The following GGCX variants were observed in gnomAD, a reference collection of about 807,000 sequenced individuals.
The protein encoded by GGCX is vitamin K-dependent gamma-carboxylase.
A neutral mutation model predicts 88.5 loss-of-function variants in GGCX; 63 were observed. The observed-to-expected ratio is 0.71, with a 90% confidence interval of 0.58 to 0.88. The LOEUF is 0.88. GGCX is among the 40% of genes least tolerant of loss of function. The pLI, the probability that GGCX is intolerant of heterozygous loss-of-function variation, is 0.00. For missense variants in GGCX, 805 were observed against 932.9 expected (o/e 0.86, Z 1.79); for synonymous variants, 368 against 365.8 (o/e 1.01, Z -0.07).
At chr2:85,553,102 A>G (rs1251176222) in intron 8 of GGCX, 32 bp from the exon 9 acceptor site, 3 of 1,610,160 alleles carry the variant, frequency 1.9e-6, no homozygotes, top group African/African-American at 2.7e-5. Context: ...GAATCAGCTC[A>G]ATGCTTCTCA....
chr2:85,561,270 C>A, intron 1 of GGCX, 116 bp downstream of exon 1: 1 of 670,026 alleles, frequency 1.5e-6, no homozygotes, highest in Non-Finnish European at 2.5e-6. Flanking sequence ...GCCCCCTTCC[C>A]CACAGAGGAC....
Position 85,552,861 on chromosome 2 carries a change from T to C in GGCX, c.1287+78A>G, listed in dbSNP as rs978635769. 3.4e-6 allele frequency: 5 copies of C among 1,489,946 alleles called. No individual in the cohort carries two copies. The African/African-American group carries it at 5.5e-5, about 16-fold the overall frequency. 92.3% of individuals were successfully genotyped at this position (1,489,946 alleles called of 1,614,324 possible). On this transcript the variant is annotated intron_variant, in intron 9 of 14. Coordinates refer to ENST00000233838, the MANE Select transcript of GGCX (RefSeq NM_000821.7). ...GACTCAAATTTGTTTTGCTTTATGGTGTGTGTAAGACAAAACCAGACCCCA... is the reference window on the plus strand; with the variant it reads ...GACTCAAATTTGTTTTGCTTTATGGCGTGTGTAAGACAAAACCAGACCCCA...
intron 11 of GGCX, 41 bp downstream of exon 11, chr2:85,551,771 G>A (rs1169274652): frequency 1.9e-6 from 3 of 1,598,610 alleles, no homozygotes; most frequent in Non-Finnish European, 2.6e-6. Flanking sequence ...AAGGAAGCCA[G>A]AAGGAAAGAC....
intron 1 of GGCX, 89 bp downstream of exon 1, chr2:85,561,297 C>A (rs1573334514): frequency 2.7e-6 from 2 of 753,514 alleles, no homozygotes; most frequent in Non-Finnish European, 4.4e-6. Context: ...CCCGCCTCAC[C>A]GGGAGACACT....
chr2:85,556,507 G>T (rs1692207807), intron 4 of GGCX, among the ~76,000 whole-genome samples: 1 of 152,122 alleles, frequency 6.6e-6, no homozygotes. Context: ...AGTTGAGTTT[G>T]TTCTAATGGA....
At chr2:85,555,254 T>A (rs1285592840) in intron 6 of GGCX, 1 of 437,558 alleles carries the variant, frequency 2.3e-6, no homozygotes, top group Non-Finnish European at 4.3e-6. Flanking sequence ...CTTTCCTTTT[T>A]AAATTTCTTT....
At chr2:85,557,821 C>A (rs1457532515) in intron 4 of GGCX, among the ~76,000 whole-genome samples, 2 of 151,868 alleles carry the variant, frequency 1.3e-5, no homozygotes, top group African/African-American at 4.8e-5. Flanking sequence ...GTTTTTTTCC[C>A]CATACTCATG....
chr2:85,547,259 CAG>C lies in GGCX; in HGVS notation c.*2673_*2674del, dbSNP rs1336026650. On this transcript the variant is annotated 3_prime_UTR_variant, in exon 15 of 15. Coordinates refer to ENST00000233838, the MANE Select transcript of GGCX (RefSeq NM_000821.7). ...AGTTTCAAAGGGGATGGATACCCAT[CAG>C]GGGCAAAGATCCAAATCCTGAGGGT... The C allele has an allele frequency of 6.6e-6, 1 of 152,184 alleles. No homozygotes were observed. Among genetic ancestry groups the C allele is most frequent in the Non-Finnish European group, 1.5e-5 (1 of 68,028 alleles). The allele number at this position is 152,184 out of a possible 1,614,324, so 9.4% of individuals were successfully genotyped here. A position where few individuals can be genotyped will look rare whatever the true frequency, so the allele number is the denominator to read the frequency against.
chr2:85,547,739 T>C lies in GGCX; in HGVS notation c.*2195A>G, dbSNP rs1691745689. The stretch of plus-strand genomic sequence containing the variant: ...CTGTGCCACAGCCATTGCTTGCCCA[T>C]ATAATACCTTGAATGAATTAGAGAT... On this transcript the variant is annotated 3_prime_UTR_variant, in exon 15 of 15. Transcript: ENST00000233838. 6.6e-6 allele frequency: 1 copy of C among 152,200 alleles called. No homozygotes were observed. Among genetic ancestry groups the C allele is most frequent in the Non-Finnish European group, 1.5e-5 (1 of 68,044 alleles). The allele number at this position is 152,200 out of a possible 1,614,324, so 9.4% of individuals were successfully genotyped here. A position where few individuals can be genotyped will look rare whatever the true frequency, so the allele number is the denominator to read the frequency against.
chr2:85,553,098 G>A, intron 8 of GGCX, 28 bp from the exon 9 acceptor site: 1 of 1,614,078 alleles, frequency 6.2e-7, no homozygotes, highest in Non-Finnish European at 8.5e-7. Context: ...AGGGGAATCA[G>A]CTCAATGCTT....
In GGCX at chr2:85,552,585, A is replaced by G. The variant is rs554838789; in HGVS notation, c.1288-18T>C. 18 of 1,610,652 alleles carry G rather than the reference A, an allele frequency of 1.1e-5. No homozygotes were observed. The South Asian group carries it at 1.6e-4, about 15-fold the overall frequency. On this transcript the variant is annotated intron_variant, in intron 9 of 14. Coordinates refer to ENST00000233838, the MANE Select transcript of GGCX (RefSeq NM_000821.7). Reference sequence around the variant, plus strand: ...GTAAATACCTGCCCCAAACCCCCATATTAGTCCCACCTCATCATTATCAAC... The same window carrying G: ...GTAAATACCTGCCCCAAACCCCCATGTTAGTCCCACCTCATCATTATCAAC...
chr2:85,557,868 A>G (rs1692270359), intron 4 of GGCX, among the ~76,000 whole-genome samples: 1 of 152,208 alleles, frequency 6.6e-6, no homozygotes, highest in Non-Finnish European at 1.5e-5. Flanking sequence ...CACTCAACAT[A>G]TAAAGAATCC....
chr2:85,554,700 T>C, intron 6 of GGCX: 3 of 282,436 alleles, frequency 1.1e-5, no homozygotes, highest in Non-Finnish European at 2.1e-5. Flanking sequence ...ACTCCTGGGC[T>C]CAAGCAATCC....
chr2:85,550,606 T>C lies in GGCX; in HGVS notation c.2033A>G (p.His678Arg). 1.9e-6 allele frequency: 3 copies of C among 1,614,024 alleles called. No homozygotes were observed. The South Asian group carries it at 3.3e-5, about 18-fold the overall frequency. Residue 678 changes from histidine (H) to arginine (R), a missense_variant, in exon 14 of 15, where the codon CAT becomes CGT. His to Arg is a conservative substitution (Grantham distance 29, BLOSUM62 0). Transcript: ENST00000233838. The stretch of plus-strand genomic sequence containing the variant: ...CAACAAGAAGCGGAAGAATCGCTCA[T>C]GGAAAGGAGTATTTCGCCGGCGTTC... ...EIERRRNTPFHERFFRFLLRK... is the reference protein window; with the variant it reads ...EIERRRNTPFRERFFRFLLRK...
intron 4 of GGCX, among the ~76,000 whole-genome samples, chr2:85,557,970 C>G (rs76711308): frequency 0.016 from 2,390 of 152,250 alleles, 68 homozygotes; most frequent in African/African-American, 0.055. Context: ...GGAAGGGTTA[C>G]CTCCTCCGAG....
rs1347093202 is a variant in GGCX at position 85,546,967 on chromosome 2, A to G, written c.*2967T>C. ...GAAGTTTTCAAAAGTAACCGCTTTA[A>G]GGTTATGTTCAGTATTTGCTAAGTA... On this transcript the variant is annotated 3_prime_UTR_variant, in exon 15 of 15. Coordinates refer to ENST00000233838, the MANE Select transcript of GGCX (RefSeq NM_000821.7). 2 of 152,234 alleles carry G rather than the reference A, an allele frequency of 1.3e-5. No homozygotes were observed. Among genetic ancestry groups the G allele is most frequent in the East Asian group, 3.9e-4 (2 of 5,188 alleles). The allele number at this position is 152,234 out of a possible 1,614,324, so 9.4% of individuals were successfully genotyped here. A position where few individuals can be genotyped will look rare whatever the true frequency, so the allele number is the denominator to read the frequency against.
At chr2:85,552,745 A>G (rs1219448764) in intron 9 of GGCX, among the ~76,000 whole-genome samples, 178 bp from the exon 10 acceptor site, 1 of 152,196 alleles carries the variant, frequency 6.6e-6, no homozygotes, top group Non-Finnish European at 1.5e-5. Context: ...CTTTTCCTGA[A>G]TCTAATCTCA....
chr2:85,551,364 T>C (rs1691943034), intron 12 of GGCX, 116 bp downstream of exon 12: 10 of 1,034,688 alleles, frequency 9.7e-6, no homozygotes, highest in Non-Finnish European at 1.5e-5. Flanking sequence ...CTCACTCTGT[T>C]GCTCAGGCTC....
At chr2:85,554,012 T>C in intron 7 of GGCX, 131 bp downstream of exon 7, 1 of 772,124 alleles carries the variant, frequency 1.3e-6, no homozygotes, top group Non-Finnish European at 2.4e-6. Flanking sequence ...TATGCCTACT[T>C]CATAGTGACT....
Sources: gnomAD v4.1 joint callset for allele counts (sites outside exome capture counted in the v4.1 genomes callset) on GRCh38, gnomAD v4.1.1 for gene constraint, MANE v1.5 for transcripts, NCBI Gene and HGNC (gene_info 2026-07-23, HGNC 2026-07-21) for gene names.